The following SYCE2 variants were observed in gnomAD, a reference collection of about 807,000 sequenced individuals.
SYCE2 encodes the protein central element synaptonemal complex 1.
In SYCE2, 3 loss-of-function variants were observed where a neutral mutation model predicts 27.9. The ratio of observed to expected loss-of-function variants is 0.11; its 90% CI spans 0.05 to 0.28. The LOEUF is 0.28. Ranked by LOEUF, SYCE2 falls within the 10% of genes least tolerant of loss-of-function variation. The probability of loss-of-function intolerance (pLI) is 1.00; values close to 1 mark genes in which losing one functional copy is unlikely to be tolerated. For synonymous variants in SYCE2, 85 were observed against 100.7 expected (o/e 0.84, Z 0.93); for missense variants, 207 against 263.5 (o/e 0.79, Z 1.48).
In SYCE2 at chr19:12,918,205, G is replaced by A. The variant is rs1453730514; in HGVS notation, c.131+17C>T. 4 of 1,606,194 alleles carry A rather than the reference G, an allele frequency of 2.5e-6. No homozygotes were observed. The highest frequency in any genetic ancestry group is 3.4e-6 in the Non-Finnish European group (4 of 1,172,774). On this transcript the variant is annotated intron_variant, in intron 2 of 5. Coordinates refer to ENST00000293695, the MANE Select transcript of SYCE2 (RefSeq NM_001105578.2). ...CCAGGGGCCTGTGTAGACCCATAGG[G>A]CTGGGATCTTCCTCACCTAGCTGGC...
intron 2 of SYCE2, 28 bp downstream of exon 2, chr19:12,918,192 GTA>G (rs1971170827): frequency 6.3e-7 from 1 of 1,576,984 alleles, no homozygotes; most frequent in Admixed American, 1.7e-5. Context: ...AGGGGCCTGT[GTA>G]GACCCATAGG....
rs1461277148 is a variant in SYCE2 at position 12,899,215 on chromosome 19, T to C, written c.*126A>G. 4 of 865,546 alleles carry C rather than the reference T, an allele frequency of 4.6e-6. No individual in the cohort carries two copies. Among genetic ancestry groups the C allele is most frequent in the African/African-American group, 3.4e-5 (2 of 59,462 alleles). 53.6% of individuals were successfully genotyped at this position (865,546 alleles called of 1,614,324 possible). A position where few individuals can be genotyped will look rare whatever the true frequency, so the allele number is the denominator to read the frequency against. ...GGAGTTCAGCACAAGGAGCTTTGGG[T>C]TTTTGTTTTTTTCTGCCAAGATGCA... On this transcript the variant is annotated 3_prime_UTR_variant, in exon 6 of 6. Coordinates refer to ENST00000293695, the MANE Select transcript of SYCE2 (RefSeq NM_001105578.2).
chr19:12,915,720 TCTG>T (rs1432699901), intron 2 of SYCE2, among the ~76,000 whole-genome samples: 2 of 151,990 alleles, frequency 1.3e-5, no homozygotes, highest in South Asian at 2.1e-4. Flanking sequence ...CCTGGCCCCT[TCTG>T]CAGCCCTCCC....
Position 12,899,986 on chromosome 19 carries a change from C to G in SYCE2, c.612+18G>C. The G allele has an allele frequency of 6.2e-7, 1 of 1,612,794 alleles. No individual in the cohort carries two copies. Among genetic ancestry groups the G allele is most frequent in the Non-Finnish European group, 8.5e-7 (1 of 1,179,932 alleles). ...CACATCTGACCCCAAGGTGTCAGGC[C>G]GGTTTACTGGTAACCACCTGAGAAG... On this transcript the variant is annotated intron_variant, in intron 5 of 5. Transcript: ENST00000293695.
intron 2 of SYCE2, among the ~76,000 whole-genome samples, chr19:12,907,411 GGCCAA>G (rs1970954860): frequency 6.6e-6 from 1 of 152,190 alleles, no homozygotes; most frequent in Non-Finnish European, 1.5e-5. Flanking sequence ...AGCTCTGAAA[GGCCAA>G]GCCTTGTAGG....
At chr19:12,900,245 C>G in intron 4 of SYCE2, 125 bp from the exon 5 acceptor site, 2 of 1,236,300 alleles carry the variant, frequency 1.6e-6, no homozygotes, top group Non-Finnish European at 2.2e-6. Context: ...GCTGCTCATA[C>G]AACAGTGGGA....
chr19:12,912,840 C>T (rs1971071853), intron 2 of SYCE2, among the ~76,000 whole-genome samples: 1 of 151,940 alleles, frequency 6.6e-6, no homozygotes, highest in South Asian at 2.1e-4. Flanking sequence ...CAAAGGCCTG[C>T]ATCAGATGTC....
Position 12,899,309 on chromosome 19 carries a change from CTG to C in SYCE2, c.*30_*31del. The C allele has an allele frequency of 6.3e-7, 1 of 1,593,896 alleles. No homozygotes were observed. On this transcript the variant is annotated 3_prime_UTR_variant, in exon 6 of 6. Transcript: ENST00000293695. ...TGGCCTCACAGTCTTCTCCTGGAGACTGTCACTAAGGCGTGAGTCTCCCGGCA... is the reference window on the plus strand; with the variant it reads ...TGGCCTCACAGTCTTCTCCTGGAGACTCACTAAGGCGTGAGTCTCCCGGCA...
At chr19:12,906,370 A>T (rs775297277) in intron 2 of SYCE2, among the ~76,000 whole-genome samples, 1 of 152,240 alleles carries the variant, frequency 6.6e-6, no homozygotes, top group Non-Finnish European at 1.5e-5. Flanking sequence ...AACTGTAATT[A>T]TGTAATTCAA....
chr19:12,899,912 C>A (rs1278095651), intron 5 of SYCE2, 92 bp downstream of exon 5: 2 of 1,609,774 alleles, frequency 1.2e-6, no homozygotes, highest in Non-Finnish European at 1.7e-6. Context: ...GGGGTAGTGC[C>A]TTATGCTGGG....
intron 2 of SYCE2, among the ~76,000 whole-genome samples, chr19:12,916,159 TC>T (rs1303370757): frequency 5.3e-5 from 8 of 150,516 alleles, no homozygotes; most frequent in Non-Finnish European, 1.0e-4. Flanking sequence ...AACCTCTGCC[TC>T]CCAGGTTCAA....
intron 2 of SYCE2, chr19:12,914,189 C>G (rs1971094703): frequency 6.6e-6 from 1 of 152,234 alleles, no homozygotes; most frequent in South Asian, 2.1e-4. Flanking sequence ...GCCAGAGAAG[C>G]CACCACCTAC....
intron 2 of SYCE2, among the ~76,000 whole-genome samples, chr19:12,908,798 C>T (rs1970988939): frequency 6.6e-6 from 1 of 152,154 alleles, no homozygotes; most frequent in African/African-American, 2.4e-5. Context: ...CTGCTGACCA[C>T]CCTTCCCTGC....
intron 2 of SYCE2, among the ~76,000 whole-genome samples, chr19:12,917,659 CTTT>C (rs71168635): frequency 8.8e-5 from 7 of 79,388 alleles, no homozygotes; most frequent in Non-Finnish European, 1.1e-4. Context: ...CCATTCCTGG[CTTT>C]TTTTTTTTTT....
chr19:12,904,022 C>T (rs1337288403), intron 3 of SYCE2, among the ~76,000 whole-genome samples: 2 of 152,172 alleles, frequency 1.3e-5, no homozygotes, highest in African/African-American at 4.8e-5. Context: ...CCGTCACAGA[C>T]CATTCGATGG....
At chr19:12,899,963 C>G (rs749753298) in intron 5 of SYCE2, 41 bp downstream of exon 5, 1 of 1,612,298 alleles carries the variant, frequency 6.2e-7, no homozygotes. Flanking sequence ...AAGACCTGCA[C>G]ATCTGACCCC....
chr19:12,902,892 A>T (rs540484226), intron 3 of SYCE2, among the ~76,000 whole-genome samples: 2 of 151,664 alleles, frequency 1.3e-5, no homozygotes, highest in Non-Finnish European at 2.9e-5. Flanking sequence ...CATGTGACCC[A>T]TTATGTATTT....
chr19:12,904,933 G>A (rs1970905078), intron 2 of SYCE2, among the ~76,000 whole-genome samples: 2 of 151,696 alleles, frequency 1.3e-5, no homozygotes, highest in Admixed American at 6.6e-5. Flanking sequence ...TGAACCCAGG[G>A]GATGAAGTTG....
intron 2 of SYCE2, among the ~76,000 whole-genome samples, chr19:12,913,221 G>A (rs769612774): frequency 2.0e-5 from 3 of 152,224 alleles, no homozygotes; most frequent in Non-Finnish European, 2.9e-5. Context: ...ATTTGGCTGC[G>A]AGGATTAGGA....
Sources: gnomAD v4.1 joint callset for allele counts (sites outside exome capture counted in the v4.1 genomes callset) on GRCh38, gnomAD v4.1.1 for gene constraint, MANE v1.5 for transcripts, NCBI Gene and HGNC (gene_info 2026-07-23, HGNC 2026-07-21) for gene names.